FOXK2: variants seen among roughly 807,000 people sequenced by gnomAD.
FOXK2 encodes forkhead box K2, also known as forkhead box protein K2.
Under a neutral mutation model 53.3 loss-of-function variants are expected in FOXK2, and 24 were observed. The ratio of observed to expected loss-of-function variants is 0.45; its 90% CI spans 0.33 to 0.63. FOXK2 has a LOEUF of 0.63. Ranked by LOEUF, FOXK2 falls within the 30% of genes least tolerant of loss-of-function variation. The pLI, the probability that FOXK2 is intolerant of heterozygous loss-of-function variation, is 0.03. For synonymous variants in FOXK2, 505 were observed against 407.1 expected, an observed-to-expected ratio of 1.24 and a Z score of -2.89; for missense variants, 952 against 910.5, an observed-to-expected ratio of 1.05 and a Z score of -0.59.
At chr17:82,592,382 TTTTC>T (rs1277012195) in intron 8 of FOXK2, among the ~76,000 whole-genome samples, 6 of 152,236 alleles carry the variant, frequency 3.9e-5, no homozygotes, top group African/African-American at 9.7e-5. Flanking sequence ...TGTCCTCTTG[TTTTC>T]TTTCTGTCAC....
chr17:82,531,354 A>G (rs561463141), intron 1 of FOXK2, among the ~76,000 whole-genome samples: 1 of 152,318 alleles, frequency 6.6e-6, no homozygotes, highest in Admixed American at 6.5e-5. Context: ...TTCACTTCTG[A>G]TTCTACAGTT....
At chr17:82,537,077 T>C (rs1248644504) in intron 1 of FOXK2, among the ~76,000 whole-genome samples, 2 of 151,916 alleles carry the variant, frequency 1.3e-5, no homozygotes, top group African/African-American at 2.4e-5. Flanking sequence ...AGCTTAGCGG[T>C]TGGTTGTAGA....
intron 2 of FOXK2, among the ~76,000 whole-genome samples, chr17:82,567,794 G>C (rs1185908549): frequency 9.0e-6 from 1 of 110,652 alleles, no homozygotes; most frequent in Non-Finnish European, 2.2e-5. Flanking sequence ...CTGAGAGCTT[G>C]TGTCACATTT....
At chr17:82,544,556 CAT>C (rs1446922893) in intron 1 of FOXK2, among the ~76,000 whole-genome samples, 4 of 152,164 alleles carry the variant, frequency 2.6e-5, no homozygotes, top group African/African-American at 7.2e-5. Context: ...CGTCATCCAA[CAT>C]GTGAGCATTT....
In FOXK2 at chr17:82,527,535, A is replaced by G. The variant is rs577309266; in HGVS notation, c.419+7228A>G. Among the ~76,000 whole-genome samples, 76 of 152,204 alleles carry G rather than the reference A, an allele frequency of 5.0e-4. 1 individual carries two copies. The highest frequency in any genetic ancestry group is 1.8e-3 in the African/African-American group (75 of 41,566). On this transcript the variant is annotated intron_variant, in intron 1 of 8. Transcript: ENST00000335255. Reference sequence around the variant, plus strand: ...TCCCAGCAACTCAGGAGGCTGAGGCAGGATAATCACTTGAACCCACAGGGT... The same window carrying G: ...TCCCAGCAACTCAGGAGGCTGAGGCGGGATAATCACTTGAACCCACAGGGT...
rs1567984958 is a variant in FOXK2 at position 82,586,253 on chromosome 17, GCC to G, written c.1576+54_1576+55del. On this transcript the variant is annotated intron_variant, in intron 7 of 8. Coordinates refer to ENST00000335255, the MANE Select transcript of FOXK2 (RefSeq NM_004514.4). ...GAGACCACAGGGAGGTGAAAGGTGG[GCC>G]GGGGGGGGAAAGGAGGAGAGGGGAG... The G allele has an allele frequency of 5.5e-5, 19 of 347,304 alleles. 1 individual carries two copies. The highest frequency in any genetic ancestry group is 2.2e-4 in the East Asian group (3 of 13,636). 21.5% of individuals were successfully genotyped at this position (347,304 alleles called of 1,614,324 possible).
chr17:82,533,414 C>A (rs535738243), intron 1 of FOXK2, among the ~76,000 whole-genome samples: 1 of 151,962 alleles, frequency 6.6e-6, no homozygotes, highest in South Asian at 2.1e-4. Context: ...TGCTTGAACC[C>A]AGGAGGCAGA....
intron 1 of FOXK2, among the ~76,000 whole-genome samples, chr17:82,554,807 C>T (rs923918387): frequency 1.3e-5 from 2 of 150,872 alleles, no homozygotes; most frequent in East Asian, 2.0e-4. Context: ...TGCAGTGGCT[C>T]GATCTGGGCT....
intron 6 of FOXK2, among the ~76,000 whole-genome samples, chr17:82,585,645 A>T (rs1412316215): frequency 6.6e-6 from 1 of 152,146 alleles, no homozygotes; most frequent in Non-Finnish European, 1.5e-5. Context: ...TTTTATAAAG[A>T]ACTGTGGGAA....
chr17:82,565,393 GAGTA>G (rs1157105505), intron 2 of FOXK2, among the ~76,000 whole-genome samples: 4 of 152,268 alleles, frequency 2.6e-5, no homozygotes, highest in Admixed American at 1.3e-4. Context: ...TACAGAATGG[GAGTA>G]AGTATTTGCA....
chr17:82,591,850 G>A (rs997029408), intron 8 of FOXK2, among the ~76,000 whole-genome samples: 1 of 152,174 alleles, frequency 6.6e-6, no homozygotes, highest in Admixed American at 6.5e-5. Context: ...GGCTGCAGGC[G>A]CTGTTTCTGG....
chr17:82,601,533 T>A lies in FOXK2; in HGVS notation c.*34T>A. On this transcript the variant is annotated 3_prime_UTR_variant, in exon 9 of 9. Coordinates refer to ENST00000335255, the MANE Select transcript of FOXK2 (RefSeq NM_004514.4). ...AGAGCTTTTCTTTAACGATATCAAC[T>A]CTGTGGTGCCAAAAGGAGACGCGGC... 6.4e-7 allele frequency: 1 copy of A among 1,565,548 alleles called. No individual in the cohort carries two copies. The highest frequency in any genetic ancestry group is 1.7e-4 in the Middle Eastern group (1 of 5,862).
intron 8 of FOXK2, among the ~76,000 whole-genome samples, chr17:82,589,313 A>T (rs1466665443): frequency 6.6e-6 from 1 of 152,180 alleles, no homozygotes; most frequent in Non-Finnish European, 1.5e-5. Flanking sequence ...TTTCCATCTC[A>T]CATTCCCTAA....
intron 4 of FOXK2, chr17:82,576,685 T>C (rs1045370345): frequency 1.8e-6 from 2 of 1,097,750 alleles, no homozygotes; most frequent in Non-Finnish European, 2.7e-6. Flanking sequence ...AAGCCACTGC[T>C]TAAGTCTAGT....
chr17:82,576,663 G>A lies in FOXK2; in HGVS notation c.909+4793G>A, dbSNP rs114793614. 7.5e-4 allele frequency: 877 copies of A among 1,163,362 alleles called. 5 individuals are homozygous for A. The African/African-American group carries it at 0.011, about 15-fold the overall frequency. The allele number at this position is 1,163,362 out of a possible 1,614,324, so 72.1% of individuals were successfully genotyped here. A position where few individuals can be genotyped will look rare whatever the true frequency, so the allele number is the denominator to read the frequency against. The stretch of plus-strand genomic sequence containing the variant: ...TGGCACAGAAGATGATTGACACAAC[G>A]AAGTCACCACTAAGCCACTGCTTAA... On this transcript the variant is annotated intron_variant, in intron 4 of 8. Coordinates refer to ENST00000335255, the MANE Select transcript of FOXK2 (RefSeq NM_004514.4).
At chr17:82,567,926 CTTT>C (rs3065019) in intron 2 of FOXK2, 125 bp from the exon 3 acceptor site, 3,170 of 421,914 alleles carry the variant, frequency 7.5e-3, no homozygotes, top group East Asian at 0.017. Context: ...TATTCTCTTC[CTTT>C]TTTTTTTTTT....
Position 82,583,992 on chromosome 17 carries a change from GTCT to G in FOXK2, c.1104-14_1104-12del, listed in dbSNP as rs1167786889. 1.9e-5 allele frequency: 30 copies of G among 1,569,610 alleles called. No homozygotes were observed. The East Asian group carries it at 4.2e-4, about 22-fold the overall frequency. On this transcript the variant is annotated intron_variant, in intron 5 of 8. Transcript: ENST00000335255. ...AGTGCGTCAGCTGTAACCATGCAAT[GTCT>G]TCTTCTCGGTGACACAGGAGTGCCC... is the stretch of plus-strand genomic sequence containing the variant.
intron 1 of FOXK2, among the ~76,000 whole-genome samples, chr17:82,532,480 A>C (rs953332946): frequency 6.6e-6 from 1 of 152,026 alleles, no homozygotes; most frequent in African/African-American, 2.4e-5. Flanking sequence ...GTCAGGTAAA[A>C]GAAAAAAATT....
intron 5 of FOXK2, 62 bp from the exon 6 acceptor site, chr17:82,583,943 TATTAAAAC>T: frequency 2.7e-6 from 4 of 1,493,754 alleles, no homozygotes; most frequent in Non-Finnish European, 3.6e-6. Context: ...AAAGTGCACT[TATTAAAAC>T]AGCAAGTGCT....
Sources: gnomAD v4.1 joint callset for allele counts (sites outside exome capture counted in the v4.1 genomes callset) on GRCh38, gnomAD v4.1.1 for gene constraint, MANE v1.5 for transcripts, NCBI Gene and HGNC (gene_info 2026-07-23, HGNC 2026-07-21) for gene names.